Variants in DLG2 observed in about 807,000 individuals in gnomAD.
The protein encoded by DLG2 is discs large MAGUK scaffold protein 2.
A neutral mutation model predicts 132.5 loss-of-function variants in DLG2; 45 were observed. The observed-to-expected ratio is 0.34, with a 90% CI of 0.27 to 0.44. The LOEUF is 0.44. DLG2 is among the 20% of genes least tolerant of loss of function. DLG2 has a pLI of 1.00. For missense variants in DLG2, 1,045 were observed against 1,196.9 expected (o/e 0.87, Z 1.87); for synonymous variants, 424 against 419.6 (o/e 1.01, Z -0.13).
chr11:84,540,193 G>T (rs2099364815), intron 6 of DLG2, among the ~76,000 whole-genome samples: 1 of 152,020 alleles, frequency 6.6e-6, no homozygotes, highest in Admixed American at 6.5e-5. Context: ...TGACAAATGG[G>T]ATCTAATTAA....
At chr11:83,670,356 G>T (rs2076625253) in intron 18 of DLG2, among the ~76,000 whole-genome samples, 1 of 148,194 alleles carries the variant, frequency 6.7e-6, no homozygotes, top group Admixed American at 6.7e-5. Context: ...CAGGTTTCAG[G>T]CCAAGGCTAG....
chr11:84,498,506 C>T (rs1364851281), intron 7 of DLG2, among the ~76,000 whole-genome samples: 2 of 152,068 alleles, frequency 1.3e-5, no homozygotes, highest in East Asian at 3.9e-4. Context: ...GCCACAGATA[C>T]AAATATCATC....
At chr11:83,959,476 T>G (rs2087889100) in intron 14 of DLG2, among the ~76,000 whole-genome samples, 1 of 152,174 alleles carries the variant, frequency 6.6e-6, no homozygotes, top group Non-Finnish European at 1.5e-5. Flanking sequence ...TTTCTTGATT[T>G]ACTATTTTAG....
chr11:84,449,123 CTT>C (rs2099044057), intron 7 of DLG2, among the ~76,000 whole-genome samples: 1 of 151,928 alleles, frequency 6.6e-6, no homozygotes, highest in Non-Finnish European at 1.5e-5. Flanking sequence ...ATCACTGACA[CTT>C]ATTGATACAT....
chr11:85,048,209 T>A (rs142313982), intron 6 of DLG2, among the ~76,000 whole-genome samples: 4 of 151,968 alleles, frequency 2.6e-5, no homozygotes, highest in Non-Finnish European at 4.4e-5. Context: ...GATTTCAAGA[T>A]TAATGAATGT....
At chr11:84,039,107 A>G (rs2095972997) in intron 11 of DLG2, among the ~76,000 whole-genome samples, 1 of 152,066 alleles carries the variant, frequency 6.6e-6, no homozygotes, top group Admixed American at 6.6e-5. Flanking sequence ...ATTTAACAAT[A>G]TACACAGGAT....
intron 6 of DLG2, among the ~76,000 whole-genome samples, chr11:84,853,305 T>C (rs1279034725): frequency 6.6e-6 from 1 of 151,990 alleles, no homozygotes; most frequent in Non-Finnish European, 1.5e-5. Context: ...GGGTCTTTTA[T>C]ACTAAAGAGA....
At chr11:84,994,637 G>C (rs2057457238) in intron 6 of DLG2, among the ~76,000 whole-genome samples, 1 of 152,088 alleles carries the variant, frequency 6.6e-6, no homozygotes, top group Non-Finnish European at 1.5e-5. Flanking sequence ...GAGCTTTGGG[G>C]GAGATTATCA....
intron 22 of DLG2, 61 bp from the exon 23 acceptor site, chr11:83,472,838 C>T (rs1162838281): frequency 2.8e-6 from 4 of 1,410,288 alleles, no homozygotes; most frequent in Non-Finnish European, 4.0e-6. Context: ...AGAGACAAGC[C>T]CTGCTCTGAA....
chr11:85,184,693 A>G (rs944581732), intron 4 of DLG2, among the ~76,000 whole-genome samples: 4 of 151,928 alleles, frequency 2.6e-5, no homozygotes, highest in Non-Finnish European at 4.4e-5. Flanking sequence ...ATTAATACAC[A>G]TAGTTAAAAT....
intron 7 of DLG2, among the ~76,000 whole-genome samples, chr11:84,353,689 C>G (rs1387914844): frequency 6.6e-6 from 1 of 152,110 alleles, no homozygotes; most frequent in East Asian, 1.9e-4. Context: ...TCCTCAAGGT[C>G]ATGTTTGGTA....
chr11:85,582,762 A>T (rs1437092362), intron 3 of DLG2, among the ~76,000 whole-genome samples: 1 of 145,826 alleles, frequency 6.9e-6, no homozygotes, highest in Non-Finnish European at 1.5e-5. Context: ...ATTTTTGAAT[A>T]ACTTTTTTTT....
At chr11:85,545,307 T>C (rs1005934393) in intron 3 of DLG2, among the ~76,000 whole-genome samples, 8 of 152,248 alleles carry the variant, frequency 5.3e-5, no homozygotes, top group African/African-American at 1.9e-4. Context: ...TTTGCATATG[T>C]TGAACAAGAC....
intron 4 of DLG2, among the ~76,000 whole-genome samples, chr11:85,278,527 G>A (rs1030119933): frequency 6.6e-6 from 1 of 152,064 alleles, no homozygotes; most frequent in Non-Finnish European, 1.5e-5. Flanking sequence ...TTGAACCTGG[G>A]AGGTGGAGAT....
Position 84,679,163 on chromosome 11 carries a change from C to CAA in DLG2, c.358-144434_358-144433dup, listed in dbSNP as rs56292714. Among the ~76,000 whole-genome samples, 374 of 150,994 alleles carry CAA rather than the reference C, an allele frequency of 2.5e-3. 2 individuals are homozygous for CAA. Among genetic ancestry groups the CAA allele is most frequent in the African/African-American group, 8.6e-3 (352 of 41,166 alleles). ...CCAATAATAGTTGCTAAATAAAAGA[C>CAA]AAAAAAAACAATGTGGCTGTACAAA... is the stretch of plus-strand genomic sequence containing the variant. On this transcript the variant is annotated intron_variant, in intron 6 of 27. Coordinates refer to ENST00000376104, the MANE Select transcript of DLG2 (RefSeq NM_001142699.3).
intron 7 of DLG2, among the ~76,000 whole-genome samples, chr11:84,292,276 A>T (rs928509566): frequency 2.4e-4 from 37 of 152,234 alleles, no homozygotes; most frequent in African/African-American, 8.7e-4. Context: ...TCATGCCTAT[A>T]GTTACCAGTG....
chr11:83,791,527 T>C, intron 17 of DLG2: 1 of 602,004 alleles, frequency 1.7e-6, no homozygotes, highest in Non-Finnish European at 3.1e-6. Context: ...TATTTTTTAC[T>C]TTTATTCAAG....
At chr11:84,208,803 T>C (rs1488145029) in intron 8 of DLG2, among the ~76,000 whole-genome samples, 2 of 152,146 alleles carry the variant, frequency 1.3e-5, no homozygotes, top group Non-Finnish European at 2.9e-5. Context: ...AGGTTAAAAG[T>C]TTTGAAACCA....
chr11:84,653,076 T>G (rs992793270), intron 6 of DLG2, among the ~76,000 whole-genome samples: 3 of 151,928 alleles, frequency 2.0e-5, no homozygotes, highest in Non-Finnish European at 4.4e-5. Context: ...ATTACAGGCA[T>G]GCGTCATCAC....
Sources: allele counts gnomAD v4.1 joint callset (sites outside exome capture counted in the v4.1 genomes callset), GRCh38; gene constraint gnomAD v4.1.1; transcripts MANE v1.5; gene names NCBI Gene and HGNC (gene_info 2026-07-23, HGNC 2026-07-21).